Variants in EPHA6 observed in about 807,000 individuals in gnomAD.
The protein encoded by EPHA6 is ephrin type-A receptor 6.
In EPHA6, 50 loss-of-function variants were observed where a neutral mutation model predicts 112.0. The observed-to-expected ratio is 0.45, with a 90% confidence interval of 0.36 to 0.56. The LOEUF (loss-of-function observed/expected upper bound fraction) is 0.56, where lower values mean the gene tolerates loss of function less well. Among genes scored for constraint, EPHA6 ranks in the 20% least tolerant of loss-of-function variants. The probability of loss-of-function intolerance (pLI) is 0.00; values close to 1 mark genes in which losing one functional copy is unlikely to be tolerated. For missense variants in EPHA6, 1,280 were observed against 1,417.4 expected, an observed-to-expected ratio of 0.90 and a Z score of 1.56; for synonymous variants, 529 against 490.7, an observed-to-expected ratio of 1.08 and a Z score of -1.03.
At chr3:97,149,428 T>G (rs572391241) in intron 3 of EPHA6, among the ~76,000 whole-genome samples, 1 of 152,116 alleles carries the variant, frequency 6.6e-6, no homozygotes, top group Non-Finnish European at 1.5e-5. Flanking sequence ...GCAGCAAGAA[T>G]CTATCATCTG....
rs1428541246 is a variant in EPHA6 at position 97,750,087 on chromosome 3, T to A, written c.*1386T>A. Among the ~76,000 whole-genome samples the A allele has an allele frequency of 1.3e-5, 2 of 152,146 alleles. No homozygotes were observed. Among genetic ancestry groups the A allele is most frequent in the African/African-American group, 4.8e-5 (2 of 41,428 alleles). ...TGCTATATCTTATGAACAAATTAAA[T>A]TATAAAATCAGCTGCTCCCTGTAAA... is the stretch of plus-strand genomic sequence containing the variant. On this transcript the variant is annotated 3_prime_UTR_variant, in exon 18 of 18. Transcript: ENST00000389672.
At chr3:97,666,378 T>C (rs967275474) in intron 14 of EPHA6, among the ~76,000 whole-genome samples, 2 of 152,192 alleles carry the variant, frequency 1.3e-5, no homozygotes, top group Non-Finnish European at 2.9e-5. Flanking sequence ...GAATTTATTG[T>C]CTCAAAGTTT....
chr3:96,912,840 C>A (rs1221638875), intron 2 of EPHA6, among the ~76,000 whole-genome samples: 2 of 152,072 alleles, frequency 1.3e-5, no homozygotes, highest in African/African-American at 2.4e-5. Flanking sequence ...GATCCTCCTG[C>A]CTTGGCCTTC....
intron 3 of EPHA6, among the ~76,000 whole-genome samples, chr3:97,089,482 A>G (rs1298436240): frequency 1.3e-5 from 2 of 152,082 alleles, no homozygotes; most frequent in Admixed American, 6.6e-5. Flanking sequence ...TGGTATATCA[A>G]CAATCTGAAA....
At chr3:97,558,678 C>T (rs2093147589) in intron 11 of EPHA6, among the ~76,000 whole-genome samples, 1 of 151,912 alleles carries the variant, frequency 6.6e-6, no homozygotes, top group Non-Finnish European at 1.5e-5. Context: ...TAAAATATGT[C>T]CAGGCCTTTA....
intron 14 of EPHA6, among the ~76,000 whole-genome samples, chr3:97,650,460 G>A (rs1030260086): frequency 5.9e-5 from 9 of 152,010 alleles, no homozygotes; most frequent in Non-Finnish European, 1.3e-4. Context: ...TCATTACAGA[G>A]TGATTTTTAG....
chr3:97,378,818 C>A (rs1009024804), intron 5 of EPHA6, among the ~76,000 whole-genome samples: 4 of 152,124 alleles, frequency 2.6e-5, no homozygotes, highest in Non-Finnish European at 4.4e-5. Flanking sequence ...CCCATTGTAT[C>A]TAGGAAGTAA....
chr3:97,134,467 C>A (rs190722890), intron 3 of EPHA6, among the ~76,000 whole-genome samples: 25 of 152,136 alleles, frequency 1.6e-4, no homozygotes, highest in African/African-American at 5.8e-4. Context: ...TCCTTGAGTG[C>A]AATCAGGGTT....
intron 3 of EPHA6, among the ~76,000 whole-genome samples, chr3:97,154,629 C>T (rs367946514): frequency 4.6e-5 from 7 of 152,130 alleles, no homozygotes; most frequent in African/African-American, 1.7e-4. Flanking sequence ...TTTCCCCTTC[C>T]TCCACCTTTA....
intron 7 of EPHA6, among the ~76,000 whole-genome samples, chr3:97,471,217 T>C (rs1162180421): frequency 6.6e-6 from 1 of 151,770 alleles, no homozygotes; most frequent in Non-Finnish European, 1.5e-5. Context: ...GATCATCCTG[T>C]TCCTCCTCTT....
At chr3:97,362,569 AT>A (rs2084432180) in intron 5 of EPHA6, among the ~76,000 whole-genome samples, 1 of 152,046 alleles carries the variant, frequency 6.6e-6, no homozygotes, top group Non-Finnish European at 1.5e-5. Flanking sequence ...AGAAAGTGTA[AT>A]TGTTATTATT....
At position 97,448,727 on chromosome 3, in the gene EPHA6, G is replaced by A. The variant is rs267599949; in HGVS notation, c.1891G>A (p.Glu631Lys). ...SQKFEFETGD[E>K]TSDMAAEQGQ... is the part of the protein sequence containing the mutation. ...GAAATTTGAATTTGAAACAGGAGAT[G>A]AAAGTAAGTTTCACACAAGGATATA... is the stretch of plus-strand genomic sequence containing the variant. Residue 631 changes from glutamate (E) to lysine (K), a missense_variant, in exon 7 of 18, where the codon GAA becomes AAA. Glu to Lys is a moderately conservative substitution (Grantham distance 56). Around this residue, in one of 4 missense-constraint regions of EPHA6, gnomAD observed 878 missense variants for 999.7 expected, o/e 0.88. Coordinates refer to ENST00000389672, the MANE Select transcript of EPHA6 (RefSeq NM_001080448.3). The A allele has an allele frequency of 5.6e-6, 9 of 1,613,158 alleles. No individual in the cohort carries two copies. In the South Asian group the frequency reaches 7.7e-5, roughly 14 times the overall value.
chr3:96,831,596 T>G (rs762701976), intron 1 of EPHA6, among the ~76,000 whole-genome samples: 8 of 152,016 alleles, frequency 5.3e-5, no homozygotes, highest in Non-Finnish European at 1.0e-4. Flanking sequence ...TATTATAGTT[T>G]AAGTTCTAGG....
At chr3:97,194,759 G>C (rs567312944) in intron 3 of EPHA6, among the ~76,000 whole-genome samples, 1 of 149,892 alleles carries the variant, frequency 6.7e-6, no homozygotes, top group South Asian at 2.1e-4. Flanking sequence ...TGTTGGGTTC[G>C]TATATATTTA....
rs180817984 is a variant in EPHA6, at chr3:97,742,210, C to T, written c.3129-5213C>T. Among the ~76,000 whole-genome samples, 257 of 152,206 alleles carry T rather than the reference C, an allele frequency of 1.7e-3. 2 individuals are homozygous for T. The highest frequency in any genetic ancestry group is 1.4e-3 in the Non-Finnish European group (94 of 68,000). On this transcript the variant is annotated intron_variant, in intron 16 of 17. Coordinates refer to ENST00000389672, the MANE Select transcript of EPHA6 (RefSeq NM_001080448.3). ...CTCTCCTGCTGAGTCCAGATTCTGC[C>T]TTAGCATCCTTCTCATGACAACATT...
At chr3:97,702,362 A>C (rs1255063872) in intron 14 of EPHA6, among the ~76,000 whole-genome samples, 3 of 152,198 alleles carry the variant, frequency 2.0e-5, no homozygotes, top group Non-Finnish European at 2.9e-5. Context: ...ACAAAATGAG[A>C]AAGTTTTATG....
chr3:97,048,201 C>T (rs1014101900), intron 3 of EPHA6, among the ~76,000 whole-genome samples: 3 of 152,268 alleles, frequency 2.0e-5, no homozygotes, highest in African/African-American at 7.2e-5. Context: ...CATATCAAAT[C>T]ATGCTAAGGC....
At chr3:97,263,467 A>ACACACC (rs1553732540) in intron 5 of EPHA6, among the ~76,000 whole-genome samples, 3 of 150,558 alleles carry the variant, frequency 2.0e-5, no homozygotes, top group African/African-American at 7.3e-5. Flanking sequence ...ACACACACAC[A>ACACACC]CCCGCTAGGC....
intron 14 of EPHA6, among the ~76,000 whole-genome samples, chr3:97,641,562 G>GGGCGCAGGATAGTGGGTGC (rs2094004673): frequency 6.6e-6 from 1 of 152,204 alleles, no homozygotes; most frequent in Non-Finnish European, 1.5e-5. Flanking sequence ...GCCAGACAGT[G>GGGCGCAGGATAGTGGGTGC]GGCGCAGGAT....
Sources: allele counts gnomAD v4.1 joint callset (sites outside exome capture counted in the v4.1 genomes callset), GRCh38; gene constraint gnomAD v4.1.1; regional missense constraint gnomAD v4.1.1; transcripts MANE v1.5; gene names NCBI Gene and HGNC (gene_info 2026-07-23, HGNC 2026-07-21).